The following ENTHD1 variants were observed in gnomAD, a reference collection of about 807,000 sequenced individuals.
ENTHD1 encodes the protein ENTH domain containing 1, also known as ENTH domain-containing protein 1.
In ENTHD1, 23 loss-of-function variants were observed where a neutral mutation model predicts 39.1. The observed-to-expected ratio is 0.59, with a 90% CI of 0.42 to 0.83. The LOEUF (loss-of-function observed/expected upper bound fraction) is 0.83, where lower values mean the gene tolerates loss of function less well. Among genes scored for constraint, ENTHD1 ranks in the 40% least tolerant of loss-of-function variants. ENTHD1 has a pLI of 0.00. For missense variants in ENTHD1, 624 were observed against 705.4 expected (o/e 0.88, Z 1.31); for synonymous variants, 230 against 258.2 (o/e 0.89, Z 1.05).
chr22:39,784,053 CA>C (rs969062496), intron 5 of ENTHD1, among the ~76,000 whole-genome samples: 6 of 151,168 alleles, frequency 4.0e-5, no homozygotes, highest in African/African-American at 1.5e-4. Context: ...AACTCATTAG[CA>C]AAAAAAGATA....
chr22:39,879,757 T>A (rs1305026969), intron 2 of ENTHD1, among the ~76,000 whole-genome samples: 1 of 152,126 alleles, frequency 6.6e-6, no homozygotes, highest in African/African-American at 2.4e-5. Flanking sequence ...TACAATTGAG[T>A]ACATCATGCT....
chr22:39,755,538 G>A (rs2146540590), intron 6 of ENTHD1, among the ~76,000 whole-genome samples: 1 of 152,248 alleles, frequency 6.6e-6, no homozygotes, highest in Non-Finnish European at 1.5e-5. Context: ...GAGAACTGGA[G>A]CTCCCCAGAA....
At chr22:39,884,270 C>G (rs1303644718) in intron 2 of ENTHD1, among the ~76,000 whole-genome samples, 3 of 151,896 alleles carry the variant, frequency 2.0e-5, no homozygotes, top group Admixed American at 1.3e-4. Context: ...CCTTCACCTC[C>G]TAGGTTCAAG....
At chr22:39,807,490 C>T (rs1207276674) in intron 5 of ENTHD1, among the ~76,000 whole-genome samples, 1 of 152,064 alleles carries the variant, frequency 6.6e-6, no homozygotes, top group Non-Finnish European at 1.5e-5. Context: ...ACATATAAGA[C>T]CTTGCTCACC....
chr22:39,813,973 A>G (rs1337962147), intron 5 of ENTHD1, among the ~76,000 whole-genome samples: 2 of 152,198 alleles, frequency 1.3e-5, no homozygotes, highest in African/African-American at 4.8e-5. Flanking sequence ...ATACATAAGT[A>G]CCTAGGACTA....
chr22:39,833,344 G>T (rs572547135), intron 4 of ENTHD1, among the ~76,000 whole-genome samples: 2 of 152,242 alleles, frequency 1.3e-5, no homozygotes, highest in African/African-American at 4.8e-5. Flanking sequence ...ACCAGCCATT[G>T]GAGGAGCATA....
intron 2 of ENTHD1, among the ~76,000 whole-genome samples, chr22:39,878,739 A>G (rs1324646462): frequency 6.6e-6 from 1 of 152,158 alleles, no homozygotes; most frequent in East Asian, 1.9e-4. Flanking sequence ...TCAGATCTGC[A>G]TAAAGAAATG....
At chr22:39,891,586 T>G (rs1442152696) in intron 1 of ENTHD1, among the ~76,000 whole-genome samples, 2 of 149,830 alleles carry the variant, frequency 1.3e-5, no homozygotes, top group Admixed American at 6.7e-5. Flanking sequence ...GGACTACAGG[T>G]GCATACCACC....
In ENTHD1 at chr22:39,743,833, C is replaced by T. The variant is rs753644902; in HGVS notation, c.1670G>A (p.Arg557His). 6.2e-6 allele frequency: 10 copies of T among 1,614,064 alleles called. No individual in the cohort carries two copies. Among genetic ancestry groups the T allele is most frequent in the East Asian group, 2.2e-5 (1 of 44,884 alleles). The change falls in exon 7 of 7, where the codon CGT becomes CAT. Residue 557 changes from arginine to histidine, a missense_variant. By Grantham distance (29) the Arg-to-His change is conservative. Coordinates refer to ENST00000325157, the MANE Select transcript of ENTHD1 (RefSeq NM_152512.4). Reference protein sequence around the residue: ...SISVLLREVKRAIARLHEDLS... With the variant: ...SISVLLREVKHAIARLHEDLS... ...ATCTTCATGTAATCTAGCGATCGCA[C>T]GTTTTACCTCCCTTAAAAGAACACT...
chr22:39,856,274 CAAA>C (rs34598525), intron 3 of ENTHD1, among the ~76,000 whole-genome samples: 1 of 50,764 alleles, frequency 2.0e-5, no homozygotes, highest in Admixed American at 1.9e-4. Context: ...AACTTCATCT[CAAA>C]AAAAAAAAAA....
At chr22:39,818,916 A>G (rs1455361542) in intron 5 of ENTHD1, among the ~76,000 whole-genome samples, 1 of 152,260 alleles carries the variant, frequency 6.6e-6, no homozygotes, top group African/African-American at 2.4e-5. Flanking sequence ...AAAACCTGCC[A>G]CAGATGTTTA....
chr22:39,871,424 G>C (rs76144973), intron 2 of ENTHD1, among the ~76,000 whole-genome samples: 2 of 152,106 alleles, frequency 1.3e-5, no homozygotes, highest in African/African-American at 4.8e-5. Flanking sequence ...TTACCAAAGA[G>C]AAAAGTAAGG....
rs1222624277 is a variant in ENTHD1 at position 39,861,756 on chromosome 22, T to C, written c.592+9A>G. ...TGTTGCATTTTAGGCCAATGTTCAT[T>C]ATACGTACTTTTATTATGTAACCTT... On this transcript the variant is annotated intron_variant, in intron 3 of 6. Transcript: ENST00000325157. 3.3e-6 allele frequency: 5 copies of C among 1,509,644 alleles called. No individual in the cohort carries two copies. The highest frequency in any genetic ancestry group is 1.8e-6 in the Non-Finnish European group (2 of 1,118,586). The allele number at this position is 1,509,644 out of a possible 1,614,324, so 93.5% of individuals were successfully genotyped here. A position where few individuals can be genotyped will look rare whatever the true frequency, so the allele number is the denominator to read the frequency against.
Position 39,844,440 on chromosome 22 carries a change from CCAGGGA to C in ENTHD1, c.593-8488_593-8483del, listed in dbSNP as rs568060292. ...CACAAACCAAGTTAGAAGCTCAGCT[CCAGGGA>C]CAAGGAAAAATAAACAGTCACTACA... is the stretch of plus-strand genomic sequence containing the variant. On this transcript the variant is annotated intron_variant, in intron 3 of 6. Transcript: ENST00000325157. Among the ~76,000 whole-genome samples the C allele has an allele frequency of 5.5e-3, 832 of 152,098 alleles. 5 individuals are homozygous for C. Among genetic ancestry groups the C allele is most frequent in the African/African-American group, 0.019 (793 of 41,468 alleles).
At chr22:39,884,328 G>A (rs553359648) in intron 2 of ENTHD1, among the ~76,000 whole-genome samples, 6 of 152,016 alleles carry the variant, frequency 3.9e-5, no homozygotes, top group African/African-American at 1.2e-4. Context: ...ACAAGTGCAC[G>A]CCACCATACC....
At chr22:39,749,336 T>C (rs2065130887) in intron 6 of ENTHD1, among the ~76,000 whole-genome samples, 1 of 152,258 alleles carries the variant, frequency 6.6e-6, no homozygotes, top group Non-Finnish European at 1.5e-5. Flanking sequence ...CATTGTGTGA[T>C]ATTTGCACAC....
chr22:39,808,890 A>G (rs1170831680), intron 5 of ENTHD1, among the ~76,000 whole-genome samples: 2 of 152,094 alleles, frequency 1.3e-5, no homozygotes, highest in Non-Finnish European at 2.9e-5. Context: ...TCTGTTTTTC[A>G]TGCATGAATC....
At chr22:39,797,059 A>G (rs1433036556) in intron 5 of ENTHD1, among the ~76,000 whole-genome samples, 3 of 152,206 alleles carry the variant, frequency 2.0e-5, no homozygotes, top group Admixed American at 1.3e-4. Context: ...GTTGGTACAT[A>G]TATATTTAGA....
intron 5 of ENTHD1, among the ~76,000 whole-genome samples, chr22:39,801,602 C>T (rs746828592): frequency 1.9e-4 from 29 of 152,210 alleles, no homozygotes; most frequent in East Asian, 3.8e-4. Context: ...TCTAAAGCAT[C>T]ATATTCTGTT....
Sources: allele counts gnomAD v4.1 joint callset (sites outside exome capture counted in the v4.1 genomes callset), GRCh38; gene constraint gnomAD v4.1.1; transcripts MANE v1.5; gene names NCBI Gene and HGNC (gene_info 2026-07-23, HGNC 2026-07-21).